GCAT: variants seen among roughly 807,000 people sequenced by gnomAD.
GCAT encodes the protein 2-amino-3-ketobutyrate coenzyme A ligase, mitochondrial.
GCAT carries 26 observed loss-of-function variants against 39.7 expected under a neutral mutation model. That is an observed-to-expected ratio of 0.65 (90% CI 0.48 to 0.91). The LOEUF (loss-of-function observed/expected upper bound fraction) is 0.91, where lower values mean the gene tolerates loss of function less well. Ranked by LOEUF, GCAT falls within the 40% of genes least tolerant of loss-of-function variation. GCAT has a pLI of 0.00. For synonymous variants in GCAT, 218 were observed against 237.2 expected, an observed-to-expected ratio of 0.92 and a Z score of 0.74; for missense variants, 550 against 576.2, an observed-to-expected ratio of 0.95 and a Z score of 0.47.
At chr22:37,809,276 A>C (rs567907412) in intron 1 of GCAT, among the ~76,000 whole-genome samples, 1 of 152,246 alleles carries the variant, frequency 6.6e-6, no homozygotes, top group Non-Finnish European at 1.5e-5. Context: ...GTTTGCTCCT[A>C]AGGTCAGCTG....
chr22:37,813,464 C>T lies in GCAT; in HGVS notation c.431C>T (p.Ala144Val). 2 of 1,596,334 alleles carry T rather than the reference C, an allele frequency of 1.3e-6. No individual in the cohort carries two copies. The highest frequency in any genetic ancestry group is 1.7e-6 in the Non-Finnish European group (2 of 1,171,596). ...TCTACGCTCACTGCCTCCCTCCAGG[C>T]CCTGCTGACCCCAGAGGACGCAGTC... ...CYDANAGLFE[A>V]LLTPEDAVLS... The change falls in exon 4 of 9, where the codon GCC becomes GTC. Residue 144 changes from alanine (A) to valine (V), a missense_variant and splice_region_variant. Around this residue, in one of 3 missense-constraint regions of GCAT, gnomAD observed 378 missense variants for 390.4 expected, o/e 0.97. Coordinates refer to ENST00000248924, the MANE Select transcript of GCAT (RefSeq NM_014291.4).
Position 37,815,846 on chromosome 22 carries a change from A to AG in GCAT, c.986+13dup, listed in dbSNP as rs758031598. 7.4e-6 allele frequency: 12 copies of AG among 1,613,332 alleles called. No individual in the cohort carries two copies. The African/African-American group carries it at 1.3e-4, about 18-fold the overall frequency. On this transcript the variant is annotated intron_variant, in intron 7 of 8. Coordinates refer to ENST00000248924, the MANE Select transcript of GCAT (RefSeq NM_014291.4). Reference sequence around the variant, plus strand: ...GCCAAGACCCAGAGGTGCGACTCCCAGCAGGGCAGGCTCGGGGGCGGAGAG... The same window carrying AG: ...GCCAAGACCCAGAGGTGCGACTCCCAGGCAGGGCAGGCTCGGGGGCGGAGAG...
chr22:37,808,080 T>C lies in GCAT; in HGVS notation c.113T>C (p.Ile38Thr), dbSNP rs777041945. Reference protein sequence around the residue: ...RGILEGELEGIRGAGTWKSER... With the variant: ...RGILEGELEGTRGAGTWKSER... Reference sequence around the variant, plus strand: ...ATTCTGGAGGGGGAGCTGGAAGGCATCCGCGGAGCTGGCACTTGGAAGAGT... The same window carrying C: ...ATTCTGGAGGGGGAGCTGGAAGGCACCCGCGGAGCTGGCACTTGGAAGAGT... Residue 38 changes from isoleucine to threonine, a missense_variant, in exon 1 of 9, where the codon ATC becomes ACC. Ile to Thr is a moderately conservative substitution (Grantham distance 89). Around this residue, in one of 3 missense-constraint regions of GCAT, gnomAD observed 154 missense variants for 141.9 expected, o/e 1.08. Coordinates refer to ENST00000248924, the MANE Select transcript of GCAT (RefSeq NM_014291.4). 22 of 1,572,440 alleles carry C rather than the reference T, an allele frequency of 1.4e-5. No homozygotes were observed. In the South Asian group the frequency reaches 2.6e-4, roughly 18 times the overall value.
chr22:37,815,539 T>C (rs573917316), intron 6 of GCAT, 39 bp downstream of exon 6: 2 of 1,558,604 alleles, frequency 1.3e-6, no homozygotes, highest in South Asian at 2.3e-5. Flanking sequence ...CCCTTGTCCT[T>C]TTGAAGGGCC....
chr22:37,816,264 G>A lies in GCAT; in HGVS notation c.1051G>A (p.Val351Met). The A allele has an allele frequency of 6.2e-7, 1 of 1,613,312 alleles. No homozygotes were observed. Among genetic ancestry groups the A allele is most frequent in the Non-Finnish European group, 8.5e-7 (1 of 1,180,024 alleles). Reference sequence around the variant, plus strand: ...GGGAGCCAGTCACCCCATCTGCCCTGTGATGCTGGGTGATGCCCGGCTGGC... The same window carrying A: ...GGGAGCCAGTCACCCCATCTGCCCTATGATGCTGGGTGATGCCCGGCTGGC... ...ISGASHPICPVMLGDARLASR... is the reference protein window; with the variant it reads ...ISGASHPICPMMLGDARLASR... Residue 351 changes from valine (V) to methionine (M), a missense_variant, in exon 8 of 9, where the codon GTG becomes ATG. Physicochemically the swap from Val to Met is conservative, Grantham distance 21. Around this residue, in one of 3 missense-constraint regions of GCAT, gnomAD observed 378 missense variants for 390.4 expected, o/e 0.97. Transcript: ENST00000248924.
chr22:37,810,209 C>T (rs1203410232), intron 2 of GCAT, 52 bp downstream of exon 2: 2 of 1,344,204 alleles, frequency 1.5e-6, no homozygotes, highest in Non-Finnish European at 2.1e-6. Flanking sequence ...CTGCCTGCTT[C>T]CCACAGTCAG....
At chr22:37,812,343 T>G (rs1363150648) in intron 2 of GCAT, among the ~76,000 whole-genome samples, 1 of 151,544 alleles carries the variant, frequency 6.6e-6, no homozygotes, top group Non-Finnish European at 1.5e-5. Context: ...CTGTCTCATT[T>G]GCCAAAAAAA....
intron 3 of GCAT, 98 bp from the exon 4 acceptor site, chr22:37,813,365 C>G (rs1346255334): frequency 5.2e-6 from 7 of 1,348,700 alleles, no homozygotes; most frequent in Non-Finnish European, 6.2e-6. Flanking sequence ...GAGGAGCGCC[C>G]TGGCTGGCAG....
intron 1 of GCAT, among the ~76,000 whole-genome samples, chr22:37,808,643 CATG>C (rs1921237317): frequency 6.6e-6 from 1 of 152,222 alleles, no homozygotes; most frequent in Admixed American, 6.5e-5. Flanking sequence ...ACAGAAATCA[CATG>C]ATGAGTTGGC....
In GCAT at chr22:37,815,723, A is replaced by G. The variant is rs756200481; in HGVS notation, c.875A>G (p.Tyr292Cys). 4 of 1,613,430 alleles carry G rather than the reference A, an allele frequency of 2.5e-6. No individual in the cohort carries two copies. The highest frequency in any genetic ancestry group is 3.4e-6 in the Non-Finnish European group (4 of 1,179,840). The stretch of plus-strand genomic sequence containing the variant: ...CTGCTGCGGCAGCGCGCCCGGCCAT[A>G]CCTCTTCTCCAACAGTCTGCCACCT... ...VSLLRQRARPYLFSNSLPPAV... is the reference protein window; with the variant it reads ...VSLLRQRARPCLFSNSLPPAV... Residue 292 changes from tyrosine (Y) to cysteine (C), a missense_variant, in exon 7 of 9, where the codon TAC (tyrosine) becomes TGC (cysteine). Tyr to Cys is a radical substitution (Grantham distance 194, BLOSUM62 -2). Coordinates refer to ENST00000248924, the MANE Select transcript of GCAT (RefSeq NM_014291.4).
At chr22:37,809,638 A>AATG (rs776638345) in intron 1 of GCAT, among the ~76,000 whole-genome samples, 85 of 152,110 alleles carry the variant, frequency 5.6e-4, no homozygotes, top group Non-Finnish European at 3.2e-4. Context: ...CGGACAACAT[A>AATG]ATGAGACCCC....
At chr22:37,810,785 G>T (rs1044966041) in intron 2 of GCAT, among the ~76,000 whole-genome samples, 2 of 152,050 alleles carry the variant, frequency 1.3e-5, no homozygotes, top group African/African-American at 4.8e-5. Context: ...AAAGTGCTGG[G>T]ATTACAGGCG....
At chr22:37,815,099 C>A (rs202205326) in intron 4 of GCAT, 27 bp from the exon 5 acceptor site, 12 of 1,609,880 alleles carry the variant, frequency 7.5e-6, no homozygotes, top group South Asian at 1.1e-5. Context: ...TGACACCACC[C>A]ACCATCTGCT....
chr22:37,813,638 C>A, intron 4 of GCAT, 29 bp downstream of exon 4: 1 of 1,569,482 alleles, frequency 6.4e-7, no homozygotes, highest in African/African-American at 1.3e-5. Context: ...CCACCCTCAG[C>A]CTCCGCCTGG....
At position 37,808,104 on chromosome 22, in the gene GCAT, G is replaced by C. The variant is rs1042932108; in HGVS notation, c.137G>C (p.Ser46Thr). The C allele has an allele frequency of 1.3e-6, 2 of 1,570,370 alleles. No homozygotes were observed. The highest frequency in any genetic ancestry group is 1.7e-6 in the Non-Finnish European group (2 of 1,160,552). Reference sequence around the variant, plus strand: ...ATCCGCGGAGCTGGCACTTGGAAGAGTGAGCGGGTCATCACGTCCCGTCAG... The same window carrying C: ...ATCCGCGGAGCTGGCACTTGGAAGACTGAGCGGGTCATCACGTCCCGTCAG... ...EGIRGAGTWK[S>T]ERVITSRQGP... is the part of the protein sequence containing the mutation. Residue 46 changes from serine (S) to threonine (T), a missense_variant, in exon 1 of 9, where the codon AGT (serine) becomes ACT (threonine). Transcript: ENST00000248924.
At chr22:37,813,159 T>C (rs1333135279) in intron 3 of GCAT, 171 bp downstream of exon 3, 1 of 641,394 alleles carries the variant, frequency 1.6e-6, no homozygotes, top group South Asian at 1.8e-5. Flanking sequence ...GGAGGAATCC[T>C]GGGGCTTGCA....
chr22:37,815,182 C>G lies in GCAT; in HGVS notation c.633C>G (p.Ile211Met), dbSNP rs200164269. 1.4e-4 allele frequency: 230 copies of G among 1,613,922 alleles called. No homozygotes were observed. Among genetic ancestry groups the G allele is most frequent in the Non-Finnish European group, 1.9e-4 (223 of 1,179,960 alleles). ...GGGCCTTTTCCATGGATGGCGACAT[C>G]GCACCCCTGCAGGAGATCTGCTGCC... The part of the protein sequence containing the change: ...TDGAFSMDGD[I>M]APLQEICCLA... The change falls in exon 5 of 9, where the codon ATC becomes ATG. Residue 211 changes from isoleucine to methionine, a missense_variant. Transcript: ENST00000248924.
chr22:37,815,945 C>A, intron 7 of GCAT, 111 bp downstream of exon 7: 1 of 1,295,280 alleles, frequency 7.7e-7, no homozygotes, highest in East Asian at 2.3e-5. Context: ...CTGCTTCTGC[C>A]TGTTCCCCTC....
chr22:37,809,819 CAAA>C (rs373397808), intron 1 of GCAT: 137 of 539,136 alleles, frequency 2.5e-4, no homozygotes, highest in African/African-American at 2.4e-3. Flanking sequence ...GACCCTGTCT[CAAA>C]AAAAAAAAAG....
Sources: gnomAD v4.1 joint callset for allele counts (sites outside exome capture counted in the v4.1 genomes callset) on GRCh38, gnomAD v4.1.1 for gene constraint, gnomAD v4.1.1 regional missense constraint, MANE v1.5 for transcripts, NCBI Gene and HGNC (gene_info 2026-07-23, HGNC 2026-07-21) for gene names.